The following GRM5 variants were observed in gnomAD, a reference collection of about 807,000 sequenced individuals.
GRM5 encodes the protein metabotropic glutamate receptor 5.
GRM5 carries 19 observed loss-of-function variants against 83.1 expected under a neutral mutation model. The observed-to-expected ratio is 0.23, with a 90% confidence interval of 0.16 to 0.34. The LOEUF (loss-of-function observed/expected upper bound fraction) is 0.34, where lower values mean the gene tolerates loss of function less well. GRM5 is among the 10% of genes least tolerant of loss of function. The probability of loss-of-function intolerance (pLI) is 1.00; values close to 1 mark genes in which losing one functional copy is unlikely to be tolerated. For missense variants in GRM5, 1,160 were observed against 1,588.3 expected, an observed-to-expected ratio of 0.73 and a Z score of 4.58; for synonymous variants, 675 against 633.6, an observed-to-expected ratio of 1.07 and a Z score of -0.98.
intron 8 of GRM5, among the ~76,000 whole-genome samples, chr11:88,564,113 A>G (rs948999229): frequency 6.6e-6 from 1 of 152,160 alleles, no homozygotes; most frequent in Non-Finnish European, 1.5e-5. Context: ...TGAATATGCC[A>G]GTTGATGTCA....
At chr11:88,621,354 A>G (rs1257744984) in intron 4 of GRM5, among the ~76,000 whole-genome samples, 1 of 152,200 alleles carries the variant, frequency 6.6e-6, no homozygotes, top group Non-Finnish European at 1.5e-5. Flanking sequence ...GCTTCTTATC[A>G]TACGTTAAAA....
chr11:88,878,515 T>A (rs72643342), intron 2 of GRM5, among the ~76,000 whole-genome samples: 1 of 151,956 alleles, frequency 6.6e-6, no homozygotes, highest in Non-Finnish European at 1.5e-5. Flanking sequence ...GGGATACACT[T>A]GCTTAAACAG....
rs561185036 is a variant in GRM5 at position 88,608,289 on chromosome 11, C to G, written c.1148-3325G>C. On this transcript the variant is annotated intron_variant, in intron 4 of 9. Transcript: ENST00000305447. Reference sequence around the variant, plus strand: ...CACAAGTTGCAGGGCATGTTTCCTTCCCAATTTATGACTTTACTCAGGCAT... The same window carrying G: ...CACAAGTTGCAGGGCATGTTTCCTTGCCAATTTATGACTTTACTCAGGCAT... Among the ~76,000 whole-genome samples the G allele has an allele frequency of 2.6e-5, 4 of 152,244 alleles. No individual in the cohort carries two copies. The East Asian group carries it at 5.8e-4, about 22-fold the overall frequency.
chr11:88,688,737 C>T (rs1940708156), intron 3 of GRM5, among the ~76,000 whole-genome samples: 3 of 151,960 alleles, frequency 2.0e-5, no homozygotes, highest in South Asian at 2.1e-4. Context: ...TATTTGCTCA[C>T]AAAATTAGAA....
intron 2 of GRM5, among the ~76,000 whole-genome samples, chr11:88,938,960 T>G: frequency 6.6e-6 from 1 of 151,786 alleles, no homozygotes; most frequent in Non-Finnish European, 1.5e-5. Context: ...ACTGTGAATT[T>G]GTACTGTTTT....
chr11:88,615,005 C>T (rs1292829422), intron 4 of GRM5, among the ~76,000 whole-genome samples: 2 of 152,148 alleles, frequency 1.3e-5, no homozygotes, highest in African/African-American at 4.8e-5. Flanking sequence ...TTCCATGTGT[C>T]TGTTCTCTTA....
chr11:88,546,940 A>G (rs1423736099), intron 8 of GRM5, among the ~76,000 whole-genome samples: 1 of 152,130 alleles, frequency 6.6e-6, no homozygotes, highest in African/African-American at 2.4e-5. Context: ...ATGGGGAGGT[A>G]TTGAATATTT....
intron 4 of GRM5, among the ~76,000 whole-genome samples, chr11:88,636,523 CA>C (rs201123437): frequency 0.13 from 18,156 of 139,218 alleles, 1,419 homozygotes; most frequent in Non-Finnish European, 0.19. Context: ...GAGACTGTCT[CA>C]AAAAAAAAAA....
intron 2 of GRM5, among the ~76,000 whole-genome samples, chr11:89,008,708 C>G (rs534022761): frequency 1.9e-4 from 29 of 152,184 alleles, no homozygotes; most frequent in Non-Finnish European, 1.3e-4. Context: ...ACTCTACTGT[C>G]TTTATATACT....
intron 2 of GRM5, among the ~76,000 whole-genome samples, chr11:89,045,450 G>A (rs1001204198): frequency 6.6e-6 from 1 of 152,062 alleles, no homozygotes; most frequent in African/African-American, 2.4e-5. Flanking sequence ...AAAATAAAAT[G>A]TTATATATAC....
At chr11:88,533,556 ATC>A (rs1381537609) in intron 8 of GRM5, among the ~76,000 whole-genome samples, 1 of 152,142 alleles carries the variant, frequency 6.6e-6, no homozygotes, top group Non-Finnish European at 1.5e-5. Context: ...CCCCAGTGGA[ATC>A]TGTGATAGAA....
At chr11:88,709,741 A>G (rs1395519906) in intron 3 of GRM5, among the ~76,000 whole-genome samples, 1 of 152,106 alleles carries the variant, frequency 6.6e-6, no homozygotes, top group Non-Finnish European at 1.5e-5. Context: ...TGCTTCTGGC[A>G]TCATCTCCAT....
chr11:89,046,556 C>T (rs1327144069), intron 2 of GRM5, among the ~76,000 whole-genome samples: 1 of 152,134 alleles, frequency 6.6e-6, no homozygotes, highest in African/African-American at 2.4e-5. Context: ...TCAGATTTTT[C>T]TTTCCTCACT....
intron 2 of GRM5, among the ~76,000 whole-genome samples, chr11:88,889,124 G>C (rs1445051436): frequency 6.6e-6 from 1 of 152,162 alleles, no homozygotes; most frequent in African/African-American, 2.4e-5. Context: ...CACTAATCTT[G>C]AGGGCTAAGT....
chr11:88,832,754 T>C (rs1944018193), intron 3 of GRM5, among the ~76,000 whole-genome samples: 1 of 152,002 alleles, frequency 6.6e-6, no homozygotes, highest in Non-Finnish European at 1.5e-5. Context: ...TATGGTATGA[T>C]AGGAAAAATG....
At chr11:88,997,493 A>T (rs1451003383) in intron 2 of GRM5, among the ~76,000 whole-genome samples, 1 of 151,946 alleles carries the variant, frequency 6.6e-6, no homozygotes, top group Non-Finnish European at 1.5e-5. Context: ...AAATAGAGAA[A>T]ATCAGTTACT....
chr11:88,611,366 G>T (rs1938311191), intron 4 of GRM5, among the ~76,000 whole-genome samples: 1 of 152,078 alleles, frequency 6.6e-6, no homozygotes, highest in Non-Finnish European at 1.5e-5. Context: ...TGGCTGGTAG[G>T]CTTTTTATTT....
At chr11:88,512,339 G>C (rs1355387920) in intron 9 of GRM5, 1 of 154,310 alleles carries the variant, frequency 6.5e-6, no homozygotes, top group African/African-American at 2.4e-5. Context: ...CAGAGAAATG[G>C]AGTCCAAATG....
intron 5 of GRM5, among the ~76,000 whole-genome samples, chr11:88,602,532 T>C (rs957734716): frequency 6.6e-6 from 1 of 152,196 alleles, no homozygotes; most frequent in South Asian, 2.1e-4. Flanking sequence ...CTTTGCTTTC[T>C]CACTCAGCTG....
Sources: gnomAD v4.1 joint callset for allele counts (sites outside exome capture counted in the v4.1 genomes callset) on GRCh38, gnomAD v4.1.1 for gene constraint, MANE v1.5 for transcripts, NCBI Gene and HGNC (gene_info 2026-07-23, HGNC 2026-07-21) for gene names.